Variants in MACROD2 observed in about 807,000 individuals in gnomAD.
MACROD2 encodes ADP-ribose glycohydrolase MACROD2.
MACROD2 carries 36 observed loss-of-function variants against 70.4 expected under a neutral mutation model. The observed-to-expected ratio is 0.51, with a 90% CI of 0.39 to 0.68. The LOEUF is 0.68. Among genes scored for constraint, MACROD2 ranks in the 30% least tolerant of loss-of-function variants. MACROD2 has a pLI of 0.00. For synonymous variants in MACROD2, 172 were observed against 178.8 expected (o/e 0.96, Z 0.30); for missense variants, 496 against 538.4 (o/e 0.92, Z 0.78).
chr20:14,407,361 G>A (rs777698691), intron 3 of MACROD2, among the ~76,000 whole-genome samples: 1 of 151,894 alleles, frequency 6.6e-6, no homozygotes, highest in East Asian at 1.9e-4. Flanking sequence ...AGCTGATGGT[G>A]ACTCTGTTTT....
chr20:15,589,015 A>AT (rs1420852470), intron 8 of MACROD2, among the ~76,000 whole-genome samples: 1 of 152,222 alleles, frequency 6.6e-6, no homozygotes, highest in Admixed American at 6.5e-5. Context: ...TGATAAAGAC[A>AT]TACCTGAGAC....
At chr20:14,197,633 G>C (rs1167410744) in intron 3 of MACROD2, among the ~76,000 whole-genome samples, 1 of 152,090 alleles carries the variant, frequency 6.6e-6, no homozygotes, top group East Asian at 1.9e-4. Context: ...CGGGTGTGGT[G>C]GTGGGCGCCT....
At chr20:15,822,572 T>C (rs2063950733) in intron 8 of MACROD2, among the ~76,000 whole-genome samples, 2 of 152,160 alleles carry the variant, frequency 1.3e-5, no homozygotes, top group African/African-American at 4.8e-5. Flanking sequence ...CAAATGTAAA[T>C]TTTTACATTT....
At chr20:16,037,322 A>T (rs2067248896) in intron 15 of MACROD2, among the ~76,000 whole-genome samples, 1 of 152,024 alleles carries the variant, frequency 6.6e-6, no homozygotes, top group African/African-American at 2.4e-5. Flanking sequence ...CCTATTAGAT[A>T]GAAAGTTCTC....
At chr20:15,498,305 G>T (rs1419805527) in intron 7 of MACROD2, among the ~76,000 whole-genome samples, 1 of 152,066 alleles carries the variant, frequency 6.6e-6, no homozygotes, top group Non-Finnish European at 1.5e-5. Context: ...ACTGAGATCT[G>T]AACCATCAGT....
intron 5 of MACROD2, among the ~76,000 whole-genome samples, chr20:15,123,237 C>T (rs1050853104): frequency 2.0e-5 from 3 of 152,058 alleles, no homozygotes; most frequent in African/African-American, 7.2e-5. Context: ...AGGCTGCCAT[C>T]TTGGGGACAT....
intron 3 of MACROD2, among the ~76,000 whole-genome samples, chr20:14,212,151 AT>A (rs2081576474): frequency 6.6e-6 from 1 of 152,122 alleles, no homozygotes; most frequent in African/African-American, 2.4e-5. Context: ...TAGCATAGGA[AT>A]TTTACTGTAT....
intron 7 of MACROD2, among the ~76,000 whole-genome samples, chr20:15,451,775 G>A (rs888107623): frequency 6.6e-6 from 1 of 152,172 alleles, no homozygotes; most frequent in Non-Finnish European, 1.5e-5. Context: ...TGGTTTGCCT[G>A]TCACTACCAC....
intron 8 of MACROD2, among the ~76,000 whole-genome samples, chr20:15,588,423 T>C (rs2048632740): frequency 6.6e-6 from 1 of 152,216 alleles, no homozygotes; most frequent in Non-Finnish European, 1.5e-5. Flanking sequence ...GGATTAACAT[T>C]AGGCTGCTTG....
chr20:14,335,456 T>C (rs1430333659), intron 3 of MACROD2, among the ~76,000 whole-genome samples: 1 of 152,194 alleles, frequency 6.6e-6, no homozygotes, highest in Non-Finnish European at 1.5e-5. Flanking sequence ...AATTAACACT[T>C]GAAAGCAAAA....
rs1361746436 is a variant in MACROD2, at chr20:15,021,175, T to C, written c.419-208765T>C. On this transcript the variant is annotated intron_variant, in intron 5 of 17. Coordinates refer to ENST00000684519, the MANE Select transcript of MACROD2 (RefSeq NM_001351661.2). Reference sequence around the variant, plus strand: ...ACACACCTGTGTGTATGTATACACATACAGGTGTGCGTATACACACACCTG... The same window carrying C: ...ACACACCTGTGTGTATGTATACACACACAGGTGTGCGTATACACACACCTG... Among the ~76,000 whole-genome samples, 194 of 122,102 alleles carry C rather than the reference T, an allele frequency of 1.6e-3. 9 individuals carry two copies. The highest frequency in any genetic ancestry group is 2.7e-3 in the Non-Finnish European group (155 of 57,276). The allele number at this position is 122,102 out of a possible 152,430, so 80.1% of individuals were successfully genotyped here.
At chr20:14,329,395 A>T (rs1297260222) in intron 3 of MACROD2, 3 of 152,120 alleles carry the variant, frequency 2.0e-5, no homozygotes, top group Non-Finnish European at 4.4e-5. Context: ...AATTTCCTAG[A>T]CATTTAATTT....
At position 15,975,476 on chromosome 20, in the gene MACROD2, T is replaced by C. The variant is rs181452150; in HGVS notation, c.985+7846T>C. Among the ~76,000 whole-genome samples, 890 of 152,102 alleles carry C rather than the reference T, an allele frequency of 5.9e-3. 9 individuals are homozygous for C. Among genetic ancestry groups the C allele is most frequent in the Middle Eastern group, 0.017 (5 of 294 alleles). On this transcript the variant is annotated intron_variant, in intron 13 of 17. Coordinates refer to ENST00000684519, the MANE Select transcript of MACROD2 (RefSeq NM_001351661.2). Reference sequence around the variant, plus strand: ...ATGATGTTTAATGGCAAAAAAAAAGTGTAAACACCTGAAAGCTCACCCATA... The same window carrying C: ...ATGATGTTTAATGGCAAAAAAAAAGCGTAAACACCTGAAAGCTCACCCATA...
chr20:14,693,422 CA>C (rs2071085536), intron 5 of MACROD2, among the ~76,000 whole-genome samples: 1 of 152,232 alleles, frequency 6.6e-6, no homozygotes, highest in Non-Finnish European at 1.5e-5. Context: ...GCAGAGATGG[CA>C]GAATACATTT....
At chr20:14,453,859 G>A (rs1377764207) in intron 3 of MACROD2, among the ~76,000 whole-genome samples, 1 of 151,498 alleles carries the variant, frequency 6.6e-6, no homozygotes, top group Non-Finnish European at 1.5e-5. Context: ...GGACATGATT[G>A]GCATTTCTGA....
At chr20:14,142,972 C>T (rs1009250948) in intron 3 of MACROD2, among the ~76,000 whole-genome samples, 2 of 152,094 alleles carry the variant, frequency 1.3e-5, no homozygotes, top group Non-Finnish European at 1.5e-5. Context: ...CATGCACACA[C>T]ACGAAATATA....
intron 2 of MACROD2, among the ~76,000 whole-genome samples, chr20:14,041,525 A>G (rs1295149130): frequency 6.6e-6 from 1 of 152,228 alleles, no homozygotes; most frequent in Non-Finnish European, 1.5e-5. Flanking sequence ...GGAATAAGAA[A>G]TACTTCTGTA....
chr20:15,457,990 T>C (rs554586572), intron 7 of MACROD2, among the ~76,000 whole-genome samples: 1 of 151,456 alleles, frequency 6.6e-6, no homozygotes, highest in South Asian at 2.1e-4. Flanking sequence ...TCTAAGTACC[T>C]AGGGCCGCAT....
intron 2 of MACROD2, among the ~76,000 whole-genome samples, chr20:14,035,356 C>T (rs1161525598): frequency 6.6e-6 from 1 of 152,100 alleles, no homozygotes; most frequent in African/African-American, 2.4e-5. Context: ...TTTAGGAGCA[C>T]TTATTTTCAG....
Sources: gnomAD v4.1 joint callset for allele counts (sites outside exome capture counted in the v4.1 genomes callset) on GRCh38, gnomAD v4.1.1 for gene constraint, MANE v1.5 for transcripts, NCBI Gene and HGNC (gene_info 2026-07-23, HGNC 2026-07-21) for gene names.